Variants in NPSR1 observed in about 807,000 individuals in gnomAD.
The protein encoded by NPSR1 is neuropeptide S receptor.
A neutral mutation model predicts 46.9 loss-of-function variants in NPSR1; 48 were observed. That is an observed-to-expected ratio of 1.02 (90% confidence interval 0.81 to 1.30). The LOEUF is 1.30. NPSR1 is among the 50% of genes most tolerant of loss of function. The pLI is 0.00. For synonymous variants in NPSR1, 176 were observed against 168.1 expected (o/e 1.05, Z -0.36); for missense variants, 450 against 449.5 (o/e 1.00, Z -0.01).
intron 2 of NPSR1, among the ~76,000 whole-genome samples, chr7:34,771,036 C>T (rs1786659648): frequency 6.6e-6 from 1 of 152,210 alleles, no homozygotes; most frequent in Non-Finnish European, 1.5e-5. Flanking sequence ...GTTTCCAACA[C>T]ACCAATTCTT....
intron 2 of NPSR1, among the ~76,000 whole-genome samples, chr7:34,765,538 A>G (rs1786386816): frequency 6.6e-6 from 1 of 152,222 alleles, no homozygotes; most frequent in African/African-American, 2.4e-5. Context: ...AAACTTAACT[A>G]CCATTTGAAT....
chr7:34,675,215 C>T (rs1744931350), intron 1 of NPSR1, among the ~76,000 whole-genome samples: 1 of 152,172 alleles, frequency 6.6e-6, no homozygotes, highest in African/African-American at 2.4e-5. Flanking sequence ...ACATGGCAAT[C>T]AATCAAAAAT....
At chr7:34,807,223 G>C (rs550257763) in intron 3 of NPSR1, among the ~76,000 whole-genome samples, 6 of 152,130 alleles carry the variant, frequency 3.9e-5, no homozygotes, top group East Asian at 3.9e-4. Context: ...TGTGATTTGC[G>C]TAAGTCTTAC....
At chr7:34,694,971 G>T (rs1357244376) in intron 2 of NPSR1, among the ~76,000 whole-genome samples, 1 of 152,176 alleles carries the variant, frequency 6.6e-6, no homozygotes, top group Non-Finnish European at 1.5e-5. Context: ...GCCTCTCAAA[G>T]TGCTGGGATT....
chr7:34,811,056 T>G (rs1584074545), intron 3 of NPSR1, among the ~76,000 whole-genome samples: 1 of 152,084 alleles, frequency 6.6e-6, no homozygotes, highest in South Asian at 2.1e-4. Flanking sequence ...CTGGGGTGGG[T>G]GCCTGTGACT....
intron 8 of NPSR1, among the ~76,000 whole-genome samples, chr7:34,855,612 A>C (rs1791032354): frequency 6.6e-6 from 1 of 152,154 alleles, no homozygotes; most frequent in African/African-American, 2.4e-5. Context: ...AGGACAAAGC[A>C]ACACCAATTT....
intron 1 of NPSR1, among the ~76,000 whole-genome samples, chr7:34,666,694 A>ATAC (rs1791768676): frequency 6.6e-6 from 1 of 152,330 alleles, no homozygotes; most frequent in South Asian, 2.1e-4. Context: ...ACTAAGTGTA[A>ATAC]TACGACATTG....
intron 2 of NPSR1, among the ~76,000 whole-genome samples, chr7:34,764,711 G>A (rs1786349613): frequency 6.6e-6 from 1 of 152,180 alleles, no homozygotes; most frequent in African/African-American, 2.4e-5. Flanking sequence ...CTTGGGGACG[G>A]AGGCCAGAAA....
chr7:34,790,768 T>A (rs1562729431), intron 3 of NPSR1, among the ~76,000 whole-genome samples: 1 of 123,572 alleles, frequency 8.1e-6, no homozygotes, highest in Non-Finnish European at 1.8e-5. Context: ...ATGTTATATA[T>A]AATATATGTT....
intron 2 of NPSR1, among the ~76,000 whole-genome samples, chr7:34,775,246 T>C (rs1269998534): frequency 1.3e-5 from 2 of 152,190 alleles, no homozygotes; most frequent in African/African-American, 4.8e-5. Context: ...AACATAGCCA[T>C]GGGCAAAGCA....
At chr7:34,751,647 C>T in intron 2 of NPSR1, 1 of 1,597,394 alleles carries the variant, frequency 6.3e-7, no homozygotes, top group Non-Finnish European at 8.6e-7. Flanking sequence ...GGACCAGCTG[C>T]TGCAGAGCCA....
chr7:34,661,142 A>T (rs984449011), intron 1 of NPSR1, among the ~76,000 whole-genome samples: 28 of 152,186 alleles, frequency 1.8e-4, no homozygotes, highest in Admixed American at 5.2e-4. Context: ...AACAGAAAGC[A>T]TGTATTCCCT....
At chr7:34,762,147 C>T (rs1042020476) in intron 2 of NPSR1, among the ~76,000 whole-genome samples, 2 of 152,114 alleles carry the variant, frequency 1.3e-5, no homozygotes, top group Admixed American at 6.6e-5. Context: ...GAGACACTAG[C>T]GGCATTTGTA....
At chr7:34,668,505 G>A (rs1302306685) in intron 1 of NPSR1, among the ~76,000 whole-genome samples, 2 of 152,156 alleles carry the variant, frequency 1.3e-5, no homozygotes, top group Admixed American at 6.5e-5. Context: ...ATTCTATCAG[G>A]CCACTCAGTC....
At chr7:34,851,080 G>A (rs372776223), downstream of NPSR1, among the ~76,000 whole-genome samples, 4 of 152,034 alleles carry the variant, frequency 2.6e-5, no homozygotes, top group East Asian at 3.9e-4. Context: ...TCCCACCCAC[G>A]GCTCCGGTAT....
intron 2 of NPSR1, among the ~76,000 whole-genome samples, chr7:34,737,114 C>A (rs1186525848): frequency 1.3e-5 from 2 of 152,046 alleles, no homozygotes; most frequent in African/African-American, 4.8e-5. Context: ...CACTCCCTGG[C>A]CTCTCTATAC....
intron 2 of NPSR1, among the ~76,000 whole-genome samples, chr7:34,770,810 T>C (rs1786645613): frequency 6.6e-6 from 1 of 152,194 alleles, no homozygotes; most frequent in South Asian, 2.1e-4. Flanking sequence ...TTCTGGAGGC[T>C]GGGAAGTCTA....
At chr7:34,824,881 G>C (rs1789747960) in intron 4 of NPSR1, among the ~76,000 whole-genome samples, 2 of 151,786 alleles carry the variant, frequency 1.3e-5, no homozygotes, top group Non-Finnish European at 2.9e-5. Flanking sequence ...CCATCAAGAA[G>C]AACCCCCTCC....
In NPSR1 at chr7:34,867,313, G is replaced by A. The variant is rs112364359; in HGVS notation, c.1026-10763G>A. The stretch of plus-strand genomic sequence containing the variant: ...GATGGCAAAGTGGCAGGTGGAAAGC[G>A]TGGTAGATGTGGAGTCCCATGTGAG... On this transcript the variant is annotated intron_variant, in intron 8 of 8. Transcript: ENST00000359791. Among the ~76,000 whole-genome samples the A allele has an allele frequency of 1.5e-3, 232 of 152,006 alleles. 2 individuals are homozygous for A. The highest frequency in any genetic ancestry group is 2.7e-3 in the Non-Finnish European group (185 of 68,032).
Sources: allele counts gnomAD v4.1 joint callset (sites outside exome capture counted in the v4.1 genomes callset), GRCh38; gene constraint gnomAD v4.1.1; transcripts MANE v1.5; gene names NCBI Gene and HGNC (gene_info 2026-07-23, HGNC 2026-07-21).